The following PLGRKT variants were observed in gnomAD, a reference collection of about 807,000 sequenced individuals.
PLGRKT encodes the protein plasminogen receptor (KT).
In PLGRKT, 22 loss-of-function variants were observed where a neutral mutation model predicts 18.5. The observed-to-expected ratio is 1.19, with a 90% CI of 0.85 to 1.70. PLGRKT has a LOEUF of 1.70. Among genes scored for constraint, PLGRKT ranks in the 40% most tolerant of loss-of-function variants. PLGRKT has a pLI of 0.00. For synonymous variants in PLGRKT, 72 were observed against 52.8 expected, an observed-to-expected ratio of 1.36 and a Z score of -1.58; for missense variants, 235 against 174.4, an observed-to-expected ratio of 1.35 and a Z score of -1.96.
intron 3 of PLGRKT, among the ~76,000 whole-genome samples, chr9:5,412,325 T>C (rs1392652000): frequency 6.6e-6 from 1 of 152,230 alleles, no homozygotes; most frequent in East Asian, 1.9e-4. Flanking sequence ...AATCTAAATG[T>C]CAATAAATGA....
intron 3 of PLGRKT, among the ~76,000 whole-genome samples, chr9:5,407,395 T>C (rs1230021600): frequency 6.6e-6 from 1 of 152,210 alleles, no homozygotes; most frequent in Non-Finnish European, 1.5e-5. Flanking sequence ...TCTAAATTGT[T>C]CTTCTTCCAA....
chr9:5,371,986 C>CTTTT lies in PLGRKT; in HGVS notation c.82-10102_82-10099dup, dbSNP rs71326158. ...CTGCAAAAAACAATATCAGAAAATC[C>CTTTT]TTTTTTTTTTTTTGATATGGAGTCT... On this transcript the variant is annotated intron_variant, in intron 3 of 5. Coordinates refer to ENST00000223864, the MANE Select transcript of PLGRKT (RefSeq NM_018465.4). Among the ~76,000 whole-genome samples the CTTTT allele has an allele frequency of 9.2e-3, 819 of 89,142 alleles. 119 individuals are homozygous for CTTTT. The highest frequency in any genetic ancestry group is 0.039 in the South Asian group (90 of 2,282). The allele number at this position is 89,142 out of a possible 152,430, so 58.5% of individuals were successfully genotyped here.
Position 5,418,762 on chromosome 9 carries a change from G to A in PLGRKT, c.81+13135C>T, listed in dbSNP as rs1818514576. 4.2e-6 allele frequency: 3 copies of A among 715,914 alleles called. No homozygotes were observed. Among genetic ancestry groups the A allele is most frequent in the African/African-American group, 1.8e-5 (1 of 57,082 alleles). The allele number at this position is 715,914 out of a possible 1,614,324, so 44.3% of individuals were successfully genotyped here. On this transcript the variant is annotated intron_variant, in intron 3 of 5. Coordinates refer to ENST00000223864, the MANE Select transcript of PLGRKT (RefSeq NM_018465.4). The surrounding 1 kb of genome is among the most constrained non-coding windows in gnomAD (Gnocchi z 4.2). ...AATGGTGATGACAGCCAGGACCTCG[G>A]GGTCGTCGAGGAGCTGCGACACGGA... is the stretch of plus-strand genomic sequence containing the variant.
rs375682412 is a variant in PLGRKT, at chr9:5,424,668, TTATA to T, written c.81+7225_81+7228del. Reference sequence around the variant, plus strand: ...ATTATATATAATATAATTATATATTTTATATATATATATATATATATATACACAC... The same window carrying T: ...ATTATATATAATATAATTATATATTTTATATATATATATATATATACACAC... On this transcript the variant is annotated intron_variant, in intron 3 of 5. Transcript: ENST00000223864. 8.7e-3 allele frequency among the ~76,000 whole-genome samples: 987 copies of T among 113,138 alleles called. 12 individuals carry two copies. Among genetic ancestry groups the T allele is most frequent in the Non-Finnish European group, 0.013 (773 of 61,118 alleles). The allele number at this position is 113,138 out of a possible 152,430, so 74.2% of individuals were successfully genotyped here.
At chr9:5,403,632 C>A (rs976989141) in intron 3 of PLGRKT, among the ~76,000 whole-genome samples, 3 of 152,182 alleles carry the variant, frequency 2.0e-5, no homozygotes, top group African/African-American at 7.2e-5. Context: ...ACAATATCAC[C>A]GTATTAACCA....
intron 3 of PLGRKT, among the ~76,000 whole-genome samples, chr9:5,388,266 G>C (rs10815202): frequency 0.24 from 35,897 of 151,674 alleles, 4,972 homozygotes; most frequent in Non-Finnish European, 0.3. Flanking sequence ...GGCTGCAAGT[G>C]TGGTTTCCCA....
intron 3 of PLGRKT, among the ~76,000 whole-genome samples, chr9:5,408,734 T>A (rs993128866): frequency 6.6e-6 from 1 of 152,228 alleles, no homozygotes; most frequent in African/African-American, 2.4e-5. Context: ...CAGAGACCTT[T>A]GCAGCAGCCC....
chr9:5,376,076 T>G (rs1033595822), intron 3 of PLGRKT, among the ~76,000 whole-genome samples: 1 of 152,240 alleles, frequency 6.6e-6, no homozygotes, highest in Non-Finnish European at 1.5e-5. Flanking sequence ...GGAGACGTTT[T>G]GCTAAGTGAA....
chr9:5,387,671 G>T (rs908143769), intron 3 of PLGRKT, among the ~76,000 whole-genome samples: 65 of 151,884 alleles, frequency 4.3e-4, no homozygotes, highest in Non-Finnish European at 8.4e-4. Flanking sequence ...GCCTCCTGCG[G>T]GGGGGCTGGG....
chr9:5,361,652 C>T, intron 4 of PLGRKT, 106 bp downstream of exon 4: 4 of 1,062,754 alleles, frequency 3.8e-6, no homozygotes, highest in South Asian at 1.6e-5. Context: ...TGGTTACATA[C>T]ACTATTTGGA....
chr9:5,377,915 A>C (rs994587063), intron 3 of PLGRKT, among the ~76,000 whole-genome samples: 2 of 152,226 alleles, frequency 1.3e-5, no homozygotes, highest in African/African-American at 2.4e-5. Context: ...GAAAGAAAAA[A>C]TAGAAGGCAG....
chr9:5,433,883 G>A (rs1473268501), intron 2 of PLGRKT, among the ~76,000 whole-genome samples: 1 of 148,014 alleles, frequency 6.8e-6, no homozygotes, highest in Admixed American at 6.7e-5. Context: ...CGCCCCGTCT[G>A]GGATGTGAGG....
At chr9:5,376,735 G>C (rs75329997) in intron 3 of PLGRKT, among the ~76,000 whole-genome samples, 1,921 of 152,082 alleles carry the variant, frequency 0.013, 43 homozygotes, top group African/African-American at 0.043. Flanking sequence ...GTACAGAAAG[G>C]GTATAGTAAG....
chr9:5,412,029 ATAGTAGCC>A (rs1356510325), intron 3 of PLGRKT, among the ~76,000 whole-genome samples: 1 of 152,236 alleles, frequency 6.6e-6, no homozygotes, highest in Non-Finnish European at 1.5e-5. Flanking sequence ...CTACAATGGT[ATAGTAGCC>A]TCAACAAGCA....
chr9:5,424,266 C>T (rs1193541862), intron 3 of PLGRKT, among the ~76,000 whole-genome samples: 1 of 134,352 alleles, frequency 7.4e-6, no homozygotes, highest in Admixed American at 8.2e-5. Context: ...CACTATATGT[C>T]ATATATTATA....
chr9:5,359,334 G>A (rs1415794549), intron 5 of PLGRKT, among the ~76,000 whole-genome samples: 3 of 152,134 alleles, frequency 2.0e-5, no homozygotes, highest in Admixed American at 2.0e-4. Flanking sequence ...ACAGGTGTGA[G>A]CCACTGCACC....
intron 3 of PLGRKT, among the ~76,000 whole-genome samples, chr9:5,394,873 C>A: frequency 6.6e-6 from 1 of 151,710 alleles, no homozygotes; most frequent in Admixed American, 6.6e-5. Flanking sequence ...GAACTATTTC[C>A]AAACAGCCAG....
In PLGRKT at chr9:5,418,832, G is replaced by A. The variant is rs949967418; in HGVS notation, c.81+13065C>T. 2.5e-5 allele frequency: 26 copies of A among 1,028,524 alleles called. No individual in the cohort carries two copies. The highest frequency in any genetic ancestry group is 1.1e-4 in the African/African-American group (7 of 63,366). 63.7% of individuals were successfully genotyped at this position (1,028,524 alleles called of 1,614,324 possible). Reference sequence around the variant, plus strand: ...GTGACACCGCTGCACCAGGGGCATCGCACATCCTTCTGGCTGGTCCTCGTC... The same window carrying A: ...GTGACACCGCTGCACCAGGGGCATCACACATCCTTCTGGCTGGTCCTCGTC... On this transcript the variant is annotated intron_variant, in intron 3 of 5. Coordinates refer to ENST00000223864, the MANE Select transcript of PLGRKT (RefSeq NM_018465.4). The surrounding 1 kb of genome is among the most constrained non-coding windows in gnomAD (Gnocchi z 4.2).
intron 3 of PLGRKT, among the ~76,000 whole-genome samples, chr9:5,399,760 G>A (rs1382399696): frequency 1.3e-5 from 2 of 151,712 alleles, no homozygotes; most frequent in African/African-American, 4.9e-5. Context: ...AGGCCGAGGT[G>A]GGTGGATTCA....
Sources: gnomAD v4.1 joint callset for allele counts (sites outside exome capture counted in the v4.1 genomes callset) on GRCh38, gnomAD v4.1.1 for gene constraint, Gnocchi (gnomAD v3.1) non-coding constraint, MANE v1.5 for transcripts, NCBI Gene and HGNC (gene_info 2026-07-23, HGNC 2026-07-21) for gene names.